Variants in MAX observed in about 807,000 individuals in gnomAD.
The protein encoded by MAX is MYC associated transcriptional regulator X.
A neutral mutation model predicts 22.3 loss-of-function variants in MAX; 3 were observed. That is an observed-to-expected ratio of 0.13 (90% CI 0.06 to 0.35). The LOEUF (loss-of-function observed/expected upper bound fraction) is 0.35. MAX is among the 10% of genes least tolerant of loss of function. The probability of loss-of-function intolerance (pLI) is 1.00; values close to 1 mark genes in which losing one functional copy is unlikely to be tolerated. For synonymous variants in MAX, 72 were observed against 77.7 expected (o/e 0.93, Z 0.39); for missense variants, 119 against 209.4 (o/e 0.57, Z 2.66).
At chr14:65,051,261 C>T (rs902005564) in intron 3 of MAX, among the ~76,000 whole-genome samples, 1 of 152,206 alleles carries the variant, frequency 6.6e-6, no homozygotes, top group Non-Finnish European at 1.5e-5. Context: ...AAACCCTTTT[C>T]CTCTGTGTCT....
At chr14:65,013,270 C>T (rs763074097) in intron 3 of MAX, among the ~76,000 whole-genome samples, 16 of 152,028 alleles carry the variant, frequency 1.1e-4, no homozygotes, top group Non-Finnish European at 2.1e-4. Context: ...TTCTTTCCTG[C>T]CCATTACTGC....
chr14:65,091,452 C>A (rs2063507138), intron 3 of MAX, among the ~76,000 whole-genome samples: 2 of 152,220 alleles, frequency 1.3e-5, no homozygotes, highest in African/African-American at 4.8e-5. Flanking sequence ...GTTTTGTTGA[C>A]TGGCTCTAGA....
In MAX at chr14:65,030,436, C is replaced by CTGAG. The variant is rs2062058252; in HGVS notation, c.172-24156_172-24153dup. On this transcript the variant is annotated intron_variant, in intron 3 of 3. Transcript: ENST00000341653. This position sits in a 1 kb window ranked among gnomAD's most constrained non-coding sequence, Gnocchi z 4.5. ...AGTCTGACTTCATGTTATATCTATA[C>CTGAG]TGAGTAAGATGGAAACCAGGGCCGA... Among the ~76,000 whole-genome samples, 1 of 152,110 alleles carries CTGAG rather than the reference C, an allele frequency of 6.6e-6. No homozygotes were observed. The highest frequency in any genetic ancestry group is 2.4e-5 in the African/African-American group (1 of 41,418).
In MAX at chr14:65,027,609, A is replaced by T. The variant is rs759757611; in HGVS notation, c.172-21325T>A. 7 of 1,614,140 alleles carry T rather than the reference A, an allele frequency of 4.3e-6. No homozygotes were observed. The Admixed American group carries it at 1.2e-4, about 27-fold the overall frequency. ...ATGACATCATTAACAGGTACAGTGA[A>T]AGCCAGCAGTGACAGAAACCTAGAG... On this transcript the variant is annotated intron_variant, in intron 3 of 3. Transcript: ENST00000341653. This position sits in a 1 kb window ranked among gnomAD's most constrained non-coding sequence, Gnocchi z 5.7.
Position 65,054,154 on chromosome 14 carries a change from C to T in MAX, c.171+39554G>A, listed in dbSNP as rs2062676167. On this transcript the variant is annotated intron_variant, in intron 3 of 3. Coordinates refer to the MAX transcript ENST00000341653. The surrounding 1 kb of genome is among the most constrained non-coding windows in gnomAD (Gnocchi z 4.4). ...TTGAGACAGGGTCTCACTCTGTCAC[C>T]CAGGCTGGAGTGCAGTGTCACAATC... is the stretch of plus-strand genomic sequence containing the variant. Among the ~76,000 whole-genome samples the T allele has an allele frequency of 6.6e-6, 1 of 151,908 alleles. No homozygotes were observed. Among genetic ancestry groups the T allele is most frequent in the African/African-American group, 2.4e-5 (1 of 41,320 alleles).
chr14:65,096,333 C>T (rs997389010), intron 2 of MAX, among the ~76,000 whole-genome samples: 13 of 152,176 alleles, frequency 8.5e-5, no homozygotes, highest in Admixed American at 8.5e-4. Flanking sequence ...TTTTCTCTTC[C>T]CCAAGCTTGA....
In MAX at chr14:65,023,121, A is replaced by T. The variant is rs1032461561; in HGVS notation, c.172-16837T>A. On this transcript the variant is annotated intron_variant, in intron 3 of 3. Coordinates refer to the MAX transcript ENST00000341653. The surrounding 1 kb of genome is among the most constrained non-coding windows in gnomAD (Gnocchi z 4.1). ...TGTCTGGGCTGGAATGCAGTGGCAC[A>T]ATCACAGCTCACTGCAACCTGGACT... 2.8e-4 allele frequency among the ~76,000 whole-genome samples: 43 copies of T among 152,204 alleles called. No individual in the cohort carries two copies. Among genetic ancestry groups the T allele is most frequent in the Admixed American group, 6.5e-5 (1 of 15,274 alleles).
intron 3 of MAX, among the ~76,000 whole-genome samples, chr14:65,033,523 T>A (rs1378719857): frequency 1.3e-5 from 2 of 152,208 alleles, no homozygotes; most frequent in Non-Finnish European, 2.9e-5. Flanking sequence ...TTCTATATTT[T>A]GTTTGCTGTA....
chr14:65,025,054 G>A (rs2061955054), intron 3 of MAX, among the ~76,000 whole-genome samples: 1 of 152,178 alleles, frequency 6.6e-6, no homozygotes, highest in African/African-American at 2.4e-5. Context: ...GGTGCAAGTT[G>A]GAAAGCCTTG....
chr14:65,070,648 CCA>C (rs2062978267), downstream of MAX, among the ~76,000 whole-genome samples: 1 of 152,204 alleles, frequency 6.6e-6, no homozygotes. This position sits in a 1 kb window ranked among gnomAD's most constrained non-coding sequence, Gnocchi z 4.4. Context: ...CACATGGGAT[CCA>C]GAGTGAGCTA....
intron 3 of MAX, among the ~76,000 whole-genome samples, chr14:65,048,295 T>C (rs1400959333): frequency 6.6e-6 from 1 of 151,786 alleles, no homozygotes; most frequent in Non-Finnish European, 1.5e-5. Flanking sequence ...CTTTTTAGAT[T>C]TTCTATCCTT....
Position 65,047,800 on chromosome 14 carries a change from T to C in MAX, c.172-41516A>G, listed in dbSNP as rs932698331. Among the ~76,000 whole-genome samples, 2 of 151,964 alleles carry C rather than the reference T, an allele frequency of 1.3e-5. No homozygotes were observed. Among genetic ancestry groups the C allele is most frequent in the Admixed American group, 6.6e-5 (1 of 15,244 alleles). On this transcript the variant is annotated intron_variant, in intron 3 of 3. Transcript: ENST00000341653. The surrounding 1 kb of genome is among the most constrained non-coding windows in gnomAD (Gnocchi z 5.2). ...AGTAGCTGCATACCATGGGCTGATATAGAAAGCTCTGCAAGATACAACATG... is the reference window on the plus strand; with the variant it reads ...AGTAGCTGCATACCATGGGCTGATACAGAAAGCTCTGCAAGATACAACATG...
intron 3 of MAX, among the ~76,000 whole-genome samples, chr14:65,008,953 C>T (rs1489147386): frequency 6.6e-6 from 1 of 152,170 alleles, no homozygotes. Context: ...AGACGGGGGC[C>T]CTCCTCATCC....
chr14:65,100,495 T>C (rs2063800059), intron 2 of MAX, among the ~76,000 whole-genome samples: 1 of 152,090 alleles, frequency 6.6e-6, no homozygotes, highest in African/African-American at 2.4e-5. Flanking sequence ...GATCTGGCAA[T>C]ACTGACCCTT....
At chr14:65,013,949 G>T (rs930666304) in intron 3 of MAX, among the ~76,000 whole-genome samples, 1 of 152,210 alleles carries the variant, frequency 6.6e-6, no homozygotes, top group African/African-American at 2.4e-5. Context: ...TTTGCTCAAA[G>T]GCACATAGCG....
At chr14:65,073,387 G>A (rs2063009487), downstream of MAX, among the ~76,000 whole-genome samples, 1 of 152,206 alleles carries the variant, frequency 6.6e-6, no homozygotes, top group Non-Finnish European at 1.5e-5. Flanking sequence ...ACAGCTCTGT[G>A]AGCTTAGATT....
At chr14:65,067,472 T>C (rs1347781161) in intron 3 of MAX, among the ~76,000 whole-genome samples, 1 of 152,206 alleles carries the variant, frequency 6.6e-6, no homozygotes, top group Non-Finnish European at 1.5e-5. Context: ...TCATGTCTCA[T>C]GTCTCCTTAG....
chr14:65,083,875 T>C (rs1426859522), intron 3 of MAX: 1 of 1,250,970 alleles, frequency 8.0e-7, no homozygotes, highest in Non-Finnish European at 1.0e-6. Context: ...CTGGTGTACA[T>C]TTCCATGTGA....
intron 3 of MAX, among the ~76,000 whole-genome samples, chr14:65,018,347 G>A (rs1374708971): frequency 6.6e-6 from 1 of 151,912 alleles, no homozygotes; most frequent in Non-Finnish European, 1.5e-5. Context: ...ATATGAATGT[G>A]TATATTTGTA....
Sources: gnomAD v4.1 joint callset for allele counts (sites outside exome capture counted in the v4.1 genomes callset) on GRCh38, gnomAD v4.1.1 for gene constraint, Gnocchi (gnomAD v3.1) non-coding constraint, MANE v1.5 for transcripts, NCBI Gene and HGNC (gene_info 2026-07-23, HGNC 2026-07-21) for gene names.